CNR1: variants seen among roughly 807,000 people sequenced by gnomAD.
CNR1 encodes the protein cannabinoid receptor 1 (brain).
CNR1 carries 10 observed loss-of-function variants against 23.0 expected under a neutral mutation model. That is an observed-to-expected ratio of 0.43 (90% CI 0.27 to 0.74). The LOEUF is 0.74. CNR1 is among the 30% of genes least tolerant of loss of function. The pLI, the probability that CNR1 is intolerant of heterozygous loss-of-function variation, is 0.19. For missense variants in CNR1, 422 were observed against 618.8 expected, an observed-to-expected ratio of 0.68 and a Z score of 3.37; for synonymous variants, 271 against 255.2, an observed-to-expected ratio of 1.06 and a Z score of -0.59.
At chr6:88,159,531 G>A (rs114045188) in intron 1 of CNR1, among the ~76,000 whole-genome samples, 2,302 of 152,250 alleles carry the variant, frequency 0.015, 68 homozygotes, top group African/African-American at 0.052. Flanking sequence ...ATGGATCACA[G>A]ATTACTCACA....
intron 1 of CNR1, among the ~76,000 whole-genome samples, chr6:88,162,170 T>C (rs1174969101): frequency 6.6e-6 from 1 of 152,224 alleles, no homozygotes; most frequent in Non-Finnish European, 1.5e-5. Flanking sequence ...ATATCTGCTT[T>C]AACTCTTCAG....
At position 88,144,040 on chromosome 6, in the gene CNR1, A is replaced by C. The variant is rs537218316; in HGVS notation, c.1235T>G (p.Phe412Cys). The C allele has an allele frequency of 2.5e-5, 41 of 1,614,028 alleles. No homozygotes were observed. The highest frequency in any genetic ancestry group is 1.8e-4 in the Admixed American group (11 of 59,996). The part of the protein sequence containing the change: ...KDLRHAFRSM[F>C]PSCEGTAQPL... ...CTGCGCAGTGCCTTCACAAGAGGGA[A>C]ACATGCTCCGGAAAGCGTGTCGCAG... Residue 412 changes from phenylalanine (F) to cysteine (C), a missense_variant, in exon 2 of 2, where the codon TTT (phenylalanine) becomes TGT (cysteine). Physicochemically the swap from Phe to Cys is radical, Grantham distance 205. Transcript: ENST00000369501. The surrounding 1 kb of genome is among the most constrained non-coding windows in gnomAD (Gnocchi z 7.8).
chr6:88,147,032 C>T (rs1336319661), intron 1 of CNR1, among the ~76,000 whole-genome samples: 3 of 152,158 alleles, frequency 2.0e-5, no homozygotes, highest in Non-Finnish European at 4.4e-5. Context: ...GTAGTTCATG[C>T]CTGTAATCCC....
chr6:88,145,756 G>A (rs1206312944), intron 1 of CNR1, among the ~76,000 whole-genome samples: 2 of 152,230 alleles, frequency 1.3e-5, no homozygotes, highest in African/African-American at 4.8e-5. Context: ...GGGCCGGCGA[G>A]AGCACTGATG....
chr6:88,150,694 T>A (rs1353414999), intron 1 of CNR1, among the ~76,000 whole-genome samples: 1 of 152,196 alleles, frequency 6.6e-6, no homozygotes, highest in Non-Finnish European at 1.5e-5. Context: ...TCAGGACCAG[T>A]AAGCCTGGTG....
intron 1 of CNR1, among the ~76,000 whole-genome samples, chr6:88,160,435 CTTT>C (rs1220920560): frequency 7.3e-4 from 99 of 135,130 alleles, no homozygotes; most frequent in Admixed American, 1.5e-3. Flanking sequence ...TTTTTCTTTT[CTTT>C]TTTTTTTTTT....
chr6:88,143,844 G>A lies in CNR1; in HGVS notation c.*12C>T, dbSNP rs777997554. 9 of 1,602,430 alleles carry A rather than the reference G, an allele frequency of 5.6e-6. No homozygotes were observed. The highest frequency in any genetic ancestry group is 1.3e-5 in the African/African-American group (1 of 74,622). On this transcript the variant is annotated 3_prime_UTR_variant, in exon 2 of 2. Coordinates refer to ENST00000369501, the MANE Select transcript of CNR1 (RefSeq NM_016083.6). ...AAAATTCTTTTCCTGTGCTGCCAGGGAGGCATCAGGCTCACAGAGCCTCGG... is the reference window on the plus strand; with the variant it reads ...AAAATTCTTTTCCTGTGCTGCCAGGAAGGCATCAGGCTCACAGAGCCTCGG...
Position 88,144,417 on chromosome 6 carries a change from C to A in CNR1, c.858G>T (p.Leu286=), listed in dbSNP as rs746735012. Residue 286 remains leucine (L), a synonymous_variant, in exon 2 of 2, where the codon CTG becomes CTT. Coordinates refer to ENST00000369501, the MANE Select transcript of CNR1 (RefSeq NM_016083.6). This position sits in a 1 kb window ranked among gnomAD's most constrained non-coding sequence, Gnocchi z 7.8. ...LMFWIGVTSV[L]LLFIVYAYMY... ...TGTACGCATACACGATGAACAGAAGCAGTACGCTGGTGACCCCGATCCAGA... is the reference window on the plus strand; with the variant it reads ...TGTACGCATACACGATGAACAGAAGAAGTACGCTGGTGACCCCGATCCAGA... 1.9e-6 allele frequency: 3 copies of A among 1,614,032 alleles called. No individual in the cohort carries two copies. Among genetic ancestry groups the A allele is most frequent in the Admixed American group, 3.3e-5 (2 of 60,012 alleles).
In CNR1 at chr6:88,144,891, G is replaced by A. The variant is rs886966014; in HGVS notation, c.384C>T (p.Thr128=). Residue 128 remains threonine (T), a synonymous_variant, in exon 2 of 2, where the codon ACC becomes ACT. Coordinates refer to ENST00000369501, the MANE Select transcript of CNR1 (RefSeq NM_016083.6). The surrounding 1 kb of genome is among the most constrained non-coding windows in gnomAD (Gnocchi z 7.8). ...CCAGGAGGTTCTCCAGGACCGTGAA[G>A]GTGCCCAGCGTGAGGGACAGGACTG... ...AIAVLSLTLG[T]FTVLENLLVL... 3.1e-6 allele frequency: 5 copies of A among 1,614,234 alleles called. No homozygotes were observed. Among genetic ancestry groups the A allele is most frequent in the Non-Finnish European group, 4.2e-6 (5 of 1,180,030 alleles).
At position 88,152,214 on chromosome 6, in the gene CNR1, CAAAAA is replaced by C. The variant is rs56141409; in HGVS notation, c.-63-6882_-63-6878del. Among the ~76,000 whole-genome samples the C allele has an allele frequency of 2.6e-3, 210 of 81,582 alleles. 1 individual carries two copies. The highest frequency in any genetic ancestry group is 7.4e-3 in the African/African-American group (193 of 25,922). 53.5% of individuals were successfully genotyped at this position (81,582 alleles called of 152,430 possible). A position where few individuals can be genotyped will look rare whatever the true frequency, so the allele number is the denominator to read the frequency against. ...TGGGCGACAGAGCGAGACTCCGTCT[CAAAAA>C]AAAAAAAAAAAAAAAAAGAAATGTA... On this transcript the variant is annotated intron_variant, in intron 1 of 1. Transcript: ENST00000369501.
Position 88,141,120 on chromosome 6 carries a change from TTTAAATTAATGGATCTAA to T in CNR1, c.*2718_*2735del. On this transcript the variant is annotated 3_prime_UTR_variant, in exon 2 of 2. Transcript: ENST00000369501. ...ATAAAACTTACTTAAATTTAAATCATTTAAATTAATGGATCTAATTATGGGGTTAATTAATGAGTGATA... is the reference window on the plus strand; with the variant it reads ...ATAAAACTTACTTAAATTTAAATCATTTATGGGGTTAATTAATGAGTGATA... 1 of 152,310 alleles carries T rather than the reference TTTAAATTAATGGATCTAA, an allele frequency of 6.6e-6. No homozygotes were observed. Among genetic ancestry groups the T allele is most frequent in the Non-Finnish European group, 1.5e-5 (1 of 68,028 alleles). The allele number at this position is 152,310 out of a possible 1,614,324, so 9.4% of individuals were successfully genotyped here.
intron 1 of CNR1, among the ~76,000 whole-genome samples, chr6:88,159,736 A>G (rs955363988): frequency 6.6e-6 from 1 of 152,302 alleles, no homozygotes; most frequent in African/African-American, 2.4e-5. Flanking sequence ...TTCGTTTTTC[A>G]CATGCATACT....
At position 88,145,131 on chromosome 6, in the gene CNR1, G is replaced by A; in HGVS notation, c.144C>T (p.Phe48=). 1 of 1,614,184 alleles carries A rather than the reference G, an allele frequency of 6.2e-7. No homozygotes were observed. Among genetic ancestry groups the A allele is most frequent in the Non-Finnish European group, 8.5e-7 (1 of 1,180,030 alleles). ...ASKLGYFPQK[F]PLTSFRGSPF... is the part of the protein sequence containing the mutation. Reference sequence around the variant, plus strand: ...GACTTCCCCTAAAGGAAGTTAAAGGGAATTTCTGTGGGAAGTACCCTAATT... The same window carrying A: ...GACTTCCCCTAAAGGAAGTTAAAGGAAATTTCTGTGGGAAGTACCCTAATT... Residue 48 remains phenylalanine, a synonymous_variant, in exon 2 of 2, where the codon TTC becomes TTT. Transcript: ENST00000369501.
At chr6:88,162,742 G>A (rs1372708005) in intron 1 of CNR1, among the ~76,000 whole-genome samples, 1 of 152,160 alleles carries the variant, frequency 6.6e-6, no homozygotes, top group East Asian at 1.9e-4. Flanking sequence ...CAGTATATAA[G>A]AGAAAAATCA....
chr6:88,166,824 C>A (rs1203979417), upstream of CNR1, among the ~76,000 whole-genome samples: 1 of 151,866 alleles, frequency 6.6e-6, no homozygotes, highest in African/African-American at 2.4e-5. Flanking sequence ...GCCCAGAGGC[C>A]GAGGCGCGCC....
Position 88,144,794 on chromosome 6 carries a change from C to T in CNR1, c.481G>A (p.Val161Met). The T allele has an allele frequency of 1.2e-6, 2 of 1,614,140 alleles. No individual in the cohort carries two copies. The highest frequency in any genetic ancestry group is 1.7e-6 in the Non-Finnish European group (2 of 1,180,022). ...ATGACACTCCCCAGGAGGTCTGCCA[C>T]CGCCAGGCTGCCGATGAAGTGGTAG... Reference protein sequence around the residue: ...PSYHFIGSLAVADLLGSVIFV... With the variant: ...PSYHFIGSLAMADLLGSVIFV... The change falls in exon 2 of 2, where the codon GTG (valine) becomes ATG (methionine). Residue 161 changes from valine (V) to methionine (M), a missense_variant. By Grantham distance (21) the Val-to-Met change is conservative (BLOSUM62 1). Around this residue, in one of 4 missense-constraint regions of CNR1, gnomAD observed 211 missense variants for 357.3 expected, o/e 0.59. Coordinates refer to ENST00000369501, the MANE Select transcript of CNR1 (RefSeq NM_016083.6). The surrounding 1 kb of genome is among the most constrained non-coding windows in gnomAD (Gnocchi z 7.8).
rs1777117542 is a variant in CNR1 at position 88,145,279 on chromosome 6, TCA to T, written c.-7_-6del. On this transcript the variant is annotated 5_prime_UTR_variant, in exon 2 of 2. Transcript: ENST00000369501. ...GCCATCTAGGATCGACTTCATAACC[TCA>T]GTCTTTGATTAGGCTGAGCTCAAAA... 31 of 1,600,304 alleles carry T rather than the reference TCA, an allele frequency of 1.9e-5. No homozygotes were observed. Among genetic ancestry groups the T allele is most frequent in the Non-Finnish European group, 2.6e-5 (30 of 1,171,314 alleles).
rs1267349415 is a variant in CNR1 at position 88,140,285 on chromosome 6, C to T, written c.*3571G>A. 1 of 152,674 alleles carries T rather than the reference C, an allele frequency of 6.5e-6. No individual in the cohort carries two copies. The highest frequency in any genetic ancestry group is 1.5e-5 in the Non-Finnish European group (1 of 68,026). 9.5% of individuals were successfully genotyped at this position (152,674 alleles called of 1,614,324 possible). The stretch of plus-strand genomic sequence containing the variant: ...GAATCCAGATACAAGAAAAGGTTTC[C>T]TTTCTTGGGAACTCTGATCCCCAGT... On this transcript the variant is annotated 3_prime_UTR_variant, in exon 2 of 2. Coordinates refer to ENST00000369501, the MANE Select transcript of CNR1 (RefSeq NM_016083.6).
intron 1 of CNR1, among the ~76,000 whole-genome samples, chr6:88,148,802 A>T (rs806375): frequency 0.43 from 65,749 of 152,010 alleles, 14,590 homozygotes; most frequent in African/African-American, 0.5. Flanking sequence ...AGCCCTCAGC[A>T]CTAATGTGAC....
Sources: gnomAD v4.1 joint callset for allele counts (sites outside exome capture counted in the v4.1 genomes callset) on GRCh38, gnomAD v4.1.1 for gene constraint, gnomAD v4.1.1 regional missense constraint, Gnocchi (gnomAD v3.1) non-coding constraint, MANE v1.5 for transcripts, NCBI Gene and HGNC (gene_info 2026-07-23, HGNC 2026-07-21) for gene names.